The following SEMA6D variants were observed in gnomAD, a reference collection of about 807,000 sequenced individuals.
SEMA6D encodes the protein semaphorin 6D, also known as semaphorin-6D.
In SEMA6D, 35 loss-of-function variants were observed where a neutral mutation model predicts 106.6. The observed-to-expected ratio is 0.33, with a 90% confidence interval of 0.25 to 0.44. The LOEUF (loss-of-function observed/expected upper bound fraction) is 0.44, where lower values mean the gene tolerates loss of function less well. SEMA6D is among the 20% of genes least tolerant of loss of function. SEMA6D has a pLI of 1.00. For synonymous variants in SEMA6D, 499 were observed against 487.7 expected (o/e 1.02, Z -0.31); for missense variants, 1,185 against 1,345.9 (o/e 0.88, Z 1.87).
chr15:47,554,521 G>T (rs2045860425), intron 3 of SEMA6D, among the ~76,000 whole-genome samples: 1 of 152,232 alleles, frequency 6.6e-6, no homozygotes, highest in Non-Finnish European at 1.5e-5. Context: ...GCCTTCCATA[G>T]ATGGGAAAAT....
At chr15:47,629,700 C>G (rs1020556752) in intron 4 of SEMA6D, among the ~76,000 whole-genome samples, 1 of 151,732 alleles carries the variant, frequency 6.6e-6, no homozygotes, top group African/African-American at 2.4e-5. Flanking sequence ...TGTGTTTGTA[C>G]CCATAACCCA....
intron 11 of SEMA6D, among the ~76,000 whole-genome samples, 154 bp from the exon 12 acceptor site, chr15:47,764,484 A>T (rs1319798231): frequency 6.6e-6 from 1 of 152,152 alleles, no homozygotes; most frequent in Non-Finnish European, 1.5e-5. Context: ...TGGAGAACCC[A>T]TTGAATTCAG....
intron 1 of SEMA6D, among the ~76,000 whole-genome samples, chr15:47,344,489 A>T (rs2037960891): frequency 6.6e-6 from 1 of 152,154 alleles, no homozygotes; most frequent in Non-Finnish European, 1.5e-5. Context: ...CTCTTTGGAG[A>T]GTTTCCAGGC....
intron 2 of SEMA6D, among the ~76,000 whole-genome samples, chr15:47,445,045 C>T (rs1050139926): frequency 6.6e-6 from 1 of 152,028 alleles, no homozygotes; most frequent in African/African-American, 2.4e-5. Flanking sequence ...TTTGGCCATC[C>T]AGCAAACAAT....
intron 2 of SEMA6D, among the ~76,000 whole-genome samples, chr15:47,450,469 A>G (rs1474114207): frequency 6.6e-6 from 1 of 152,024 alleles, no homozygotes; most frequent in Admixed American, 6.6e-5. Context: ...GTGTGTCCCT[A>G]TGGCAGGGGT....
intron 3 of SEMA6D, among the ~76,000 whole-genome samples, chr15:47,515,565 G>C (rs2044361589): frequency 6.6e-6 from 1 of 152,166 alleles, no homozygotes; most frequent in African/African-American, 2.4e-5. Context: ...TTTGTAGCAA[G>C]CCTTCTGAAA....
intron 2 of SEMA6D, among the ~76,000 whole-genome samples, chr15:47,443,106 A>G (rs919688866): frequency 9.2e-5 from 14 of 152,122 alleles, no homozygotes; most frequent in African/African-American, 2.7e-4. Flanking sequence ...AATTAAAATG[A>G]TTTCTATCAC....
intron 1 of SEMA6D, among the ~76,000 whole-genome samples, chr15:47,343,291 A>G (rs1473401152): frequency 9.0e-6 from 1 of 111,708 alleles, no homozygotes; most frequent in Admixed American, 8.7e-5. Flanking sequence ...GTTTTAGGGT[A>G]CATATGCACC....
At chr15:47,707,005 T>A (rs756007622) in intron 4 of SEMA6D, among the ~76,000 whole-genome samples, 1 of 152,232 alleles carries the variant, frequency 6.6e-6, no homozygotes, top group Non-Finnish European at 1.5e-5. Context: ...TAAAATTATA[T>A]CCTATACATT....
At chr15:47,271,011 T>C (rs1051151709) in intron 1 of SEMA6D, among the ~76,000 whole-genome samples, 1 of 152,152 alleles carries the variant, frequency 6.6e-6, no homozygotes, top group Non-Finnish European at 1.5e-5. Context: ...AACAGCTAAG[T>C]GTACAAAGCA....
At chr15:47,652,502 A>T (rs2077711290) in intron 4 of SEMA6D, among the ~76,000 whole-genome samples, 2 of 152,024 alleles carry the variant, frequency 1.3e-5, no homozygotes, top group African/African-American at 2.4e-5. Context: ...TCAAAAACCC[A>T]CCCGTCTCCA....
intron 1 of SEMA6D, among the ~76,000 whole-genome samples, chr15:47,368,796 T>C (rs997136906): frequency 2.0e-5 from 3 of 152,194 alleles, no homozygotes; most frequent in Non-Finnish European, 2.9e-5. Context: ...AGTCATCTGA[T>C]CAAAAGTGTC....
intron 2 of SEMA6D, among the ~76,000 whole-genome samples, chr15:47,468,241 A>C (rs1288242489): frequency 6.6e-6 from 1 of 152,104 alleles, no homozygotes; most frequent in Non-Finnish European, 1.5e-5. Flanking sequence ...ATGCAGTTAC[A>C]GCTGAAAGTG....
chr15:47,710,941 CAAAT>C (rs764594471), intron 4 of SEMA6D, among the ~76,000 whole-genome samples: 4 of 152,126 alleles, frequency 2.6e-5, no homozygotes, highest in Non-Finnish European at 5.9e-5. Flanking sequence ...TAGCAATTGT[CAAAT>C]GAATCAGATA....
intron 1 of SEMA6D, among the ~76,000 whole-genome samples, chr15:47,200,156 A>C (rs180872469): frequency 3.9e-4 from 59 of 152,290 alleles, no homozygotes; most frequent in African/African-American, 1.4e-3. Context: ...CTGTGTACTT[A>C]AGTTGCCCTG....
At chr15:47,541,806 T>A (rs1797230) in intron 3 of SEMA6D, among the ~76,000 whole-genome samples, 76,896 of 151,926 alleles carry the variant, frequency 0.51, 20,977 homozygotes, top group African/African-American at 0.73. Flanking sequence ...TTACAATCAG[T>A]TGAATTAACT....
Position 47,764,321 on chromosome 15 carries a change from G to A in SEMA6D, c.1097+16G>A. On this transcript the variant is annotated intron_variant, in intron 11 of 18. Coordinates refer to ENST00000536845, the MANE Select transcript of SEMA6D (RefSeq NM_001358351.3). Reference sequence around the variant, plus strand: ...CAAAGCCAAGGTAAATAAAAAAGTAGAAAAGGGTTTTGTCTTGAACAAAAC... The same window carrying A: ...CAAAGCCAAGGTAAATAAAAAAGTAAAAAAGGGTTTTGTCTTGAACAAAAC... 1.9e-6 allele frequency: 3 copies of A among 1,609,116 alleles called. No individual in the cohort carries two copies. Among genetic ancestry groups the A allele is most frequent in the Non-Finnish European group, 2.5e-6 (3 of 1,178,438 alleles).
intron 1 of SEMA6D, among the ~76,000 whole-genome samples, chr15:47,192,523 A>G (rs1444719861): frequency 6.6e-6 from 1 of 152,240 alleles, no homozygotes; most frequent in Non-Finnish European, 1.5e-5. Flanking sequence ...GTAAAATTAG[A>G]AACAATACAT....
chr15:47,764,606 G>A (rs1189437032), intron 11 of SEMA6D, 32 bp from the exon 12 acceptor site: 10 of 1,610,964 alleles, frequency 6.2e-6, no homozygotes, highest in Middle Eastern at 1.7e-4. Context: ...AGGGGCAGCC[G>A]AGAGCATAAA....
Sources: gnomAD v4.1 joint callset for allele counts (sites outside exome capture counted in the v4.1 genomes callset) on GRCh38, gnomAD v4.1.1 for gene constraint, MANE v1.5 for transcripts, NCBI Gene and HGNC (gene_info 2026-07-23, HGNC 2026-07-21) for gene names.